The following SPAG17 variants were observed in gnomAD, a reference collection of about 807,000 sequenced individuals.
The protein encoded by SPAG17 is sperm-associated antigen 17.
A neutral mutation model predicts 273.6 loss-of-function variants in SPAG17; 169 were observed. The ratio of observed to expected loss-of-function variants is 0.62; its 90% CI spans 0.55 to 0.70. SPAG17 has a LOEUF of 0.70. Ranked by LOEUF, SPAG17 falls within the 30% of genes least tolerant of loss-of-function variation. The probability of loss-of-function intolerance (pLI) is 0.00; values close to 1 mark genes in which losing one functional copy is unlikely to be tolerated. For synonymous variants in SPAG17, 825 were observed against 873.2 expected, an observed-to-expected ratio of 0.94 and a Z score of 0.97; for missense variants, 2,557 against 2,627.8, an observed-to-expected ratio of 0.97 and a Z score of 0.59.
intron 3 of SPAG17, among the ~76,000 whole-genome samples, chr1:118,120,060 T>C (rs1657331138): frequency 6.6e-6 from 1 of 152,228 alleles, no homozygotes; most frequent in African/African-American, 2.4e-5. Flanking sequence ...ATGAAGTGCA[T>C]GTGTGTTTTT....
chr1:118,125,362 TATC>T (rs1312611674), intron 3 of SPAG17, among the ~76,000 whole-genome samples: 1 of 152,146 alleles, frequency 6.6e-6, no homozygotes, highest in African/African-American at 2.4e-5. Context: ...CTCAAACACT[TATC>T]ATTTCTTTGT....
At position 117,973,425 on chromosome 1, in the gene SPAG17, C is replaced by A; in HGVS notation, c.6141G>T (p.Lys2047Asn). The change falls in exon 44 of 49, where the codon AAG becomes AAT. Residue 2047 changes from lysine (K) to asparagine (N), a missense_variant and splice_region_variant. Lys to Asn is a moderately conservative substitution (Grantham distance 94). Transcript: ENST00000336338. ...SSKPKSQPLA[K>N]VQDSVGGKVN... Reference sequence around the variant, plus strand: ...GAATTTGTTCCAATGTTTGTTTTACCTTTGCAAGAGGTTGAGACTTAGGCT... The same window carrying A: ...GAATTTGTTCCAATGTTTGTTTTACATTTGCAAGAGGTTGAGACTTAGGCT... 6.2e-7 allele frequency: 1 copy of A among 1,611,196 alleles called. No homozygotes were observed. Among genetic ancestry groups the A allele is most frequent in the Non-Finnish European group, 8.5e-7 (1 of 1,178,446 alleles).
intron 47 of SPAG17, 174 bp downstream of exon 47, chr1:117,966,435 G>T: frequency 1.8e-6 from 1 of 548,216 alleles, no homozygotes; most frequent in Non-Finnish European, 3.0e-6. Context: ...TATTTTTTTA[G>T]ATTTGGCTAG....
chr1:118,082,924 T>C (rs1654700789), intron 13 of SPAG17, among the ~76,000 whole-genome samples: 1 of 152,152 alleles, frequency 6.6e-6, no homozygotes, highest in Non-Finnish European at 1.5e-5. Flanking sequence ...GAGGCCAGTG[T>C]AGATGAGGGA....
At chr1:118,081,698 G>C (rs1009098469) in intron 13 of SPAG17, 56 bp from the exon 14 acceptor site, 1 of 1,440,398 alleles carries the variant, frequency 6.9e-7, no homozygotes. Flanking sequence ...ACATGGTACA[G>C]GGTTGACAGA....
chr1:118,079,181 C>T (rs1323595938), intron 15 of SPAG17, among the ~76,000 whole-genome samples: 1 of 152,060 alleles, frequency 6.6e-6, no homozygotes, highest in East Asian at 1.9e-4. Context: ...TATCAGTTAC[C>T]AATGAGATCA....
chr1:118,035,772 T>C (rs1170440372), intron 24 of SPAG17, among the ~76,000 whole-genome samples: 2 of 152,214 alleles, frequency 1.3e-5, no homozygotes, highest in African/African-American at 2.4e-5. Context: ...TAAGAAAATA[T>C]GTTGTGGTTA....
At chr1:118,059,907 A>T (rs1652103033) in intron 18 of SPAG17, among the ~76,000 whole-genome samples, 1 of 152,130 alleles carries the variant, frequency 6.6e-6, no homozygotes, top group Non-Finnish European at 1.5e-5. Context: ...TCTGAATTAG[A>T]GAATTTAATC....
At chr1:118,065,785 G>GTT (rs898738878) in intron 18 of SPAG17, among the ~76,000 whole-genome samples, 8 of 151,692 alleles carry the variant, frequency 5.3e-5, no homozygotes, top group Non-Finnish European at 8.8e-5. Flanking sequence ...ACTAGAAATA[G>GTT]TTTTTTTAAC....
intron 29 of SPAG17, among the ~76,000 whole-genome samples, chr1:118,015,121 C>T (rs1659834407): frequency 6.6e-6 from 1 of 151,402 alleles, no homozygotes; most frequent in South Asian, 2.1e-4. Flanking sequence ...CCTGTCTCTA[C>T]TAAAAATACA....
At chr1:118,138,111 G>A (rs1010177086) in intron 3 of SPAG17, among the ~76,000 whole-genome samples, 2 of 152,136 alleles carry the variant, frequency 1.3e-5, no homozygotes, top group African/African-American at 4.8e-5. Flanking sequence ...CCTTTTGGCT[G>A]GAAGTTGTGA....
intron 17 of SPAG17, among the ~76,000 whole-genome samples, chr1:118,072,626 AG>A (rs1394517719): frequency 6.6e-6 from 1 of 152,250 alleles, no homozygotes; most frequent in Non-Finnish European, 1.5e-5. Context: ...TATTAACTGC[AG>A]AGAAAATAAA....
intron 29 of SPAG17, among the ~76,000 whole-genome samples, chr1:118,014,330 T>C (rs1273403094): frequency 6.6e-6 from 1 of 152,204 alleles, no homozygotes; most frequent in Non-Finnish European, 1.5e-5. Context: ...TCCAGGTTCT[T>C]GGATGCTGGT....
intron 48 of SPAG17, chr1:117,955,145 G>C (rs1395315792): frequency 3.9e-6 from 2 of 517,020 alleles, no homozygotes; most frequent in Non-Finnish European, 6.8e-6. Flanking sequence ...GCAGAGTTCA[G>C]TTGTCAACCC....
At chr1:118,096,754 T>C (rs1423218882) in intron 7 of SPAG17, among the ~76,000 whole-genome samples, 1 of 152,212 alleles carries the variant, frequency 6.6e-6, no homozygotes, top group East Asian at 1.9e-4. Context: ...ATGTTTCACA[T>C]AACTGAGCAC....
chr1:118,135,945 A>G (rs1329004848), intron 3 of SPAG17, among the ~76,000 whole-genome samples: 2 of 152,206 alleles, frequency 1.3e-5, no homozygotes, highest in East Asian at 3.9e-4. Context: ...ATTTGGAGTC[A>G]GAATGACTGG....
intron 15 of SPAG17, among the ~76,000 whole-genome samples, chr1:118,080,524 G>C (rs562075459): frequency 3.5e-4 from 54 of 152,278 alleles, no homozygotes; most frequent in Non-Finnish European, 6.8e-4. Flanking sequence ...GCAGATAGTA[G>C]GAAGCCTTTG....
intron 6 of SPAG17, among the ~76,000 whole-genome samples, chr1:118,098,614 T>G (rs1327259190): frequency 2.0e-5 from 3 of 152,134 alleles, no homozygotes; most frequent in African/African-American, 7.2e-5. Flanking sequence ...TTTGAGATCA[T>G]CAGGAATAGC....
At chr1:117,982,261 A>C (rs1231599445) in intron 42 of SPAG17, among the ~76,000 whole-genome samples, 7 of 94,724 alleles carry the variant, frequency 7.4e-5, no homozygotes, top group African/African-American at 2.2e-4. Context: ...TTTTTTTTTG[A>C]GACGGAGTCT....
Sources: gnomAD v4.1 joint callset for allele counts (sites outside exome capture counted in the v4.1 genomes callset) on GRCh38, gnomAD v4.1.1 for gene constraint, MANE v1.5 for transcripts, NCBI Gene and HGNC (gene_info 2026-07-23, HGNC 2026-07-21) for gene names.